The following ZBTB20 variants were observed in gnomAD, a reference collection of about 807,000 sequenced individuals.
The protein encoded by ZBTB20 is zinc finger and BTB domain-containing protein 20.
Under a neutral mutation model 56.9 loss-of-function variants are expected in ZBTB20, and 9 were observed. That is an observed-to-expected ratio of 0.16 (90% CI 0.10 to 0.28). The LOEUF (loss-of-function observed/expected upper bound fraction) is 0.28. Among genes scored for constraint, ZBTB20 ranks in the 10% least tolerant of loss-of-function variants. The pLI, the probability that ZBTB20 is intolerant of heterozygous loss-of-function variation, is 1.00. For synonymous variants in ZBTB20, 417 were observed against 420.7 expected (o/e 0.99, Z 0.11); for missense variants, 655 against 1,003.0 (o/e 0.65, Z 4.69).
chr3:115,092,647 C>A (rs995418185), intron 1 of ZBTB20, among the ~76,000 whole-genome samples: 1 of 152,028 alleles, frequency 6.6e-6, no homozygotes. Flanking sequence ...GGACACGGAT[C>A]GCCTCTCCAT....
intron 7 of ZBTB20, among the ~76,000 whole-genome samples, chr3:114,427,600 T>C (rs1413282740): frequency 6.6e-6 from 1 of 152,238 alleles, no homozygotes; most frequent in Non-Finnish European, 1.5e-5. Context: ...AACAACTCTG[T>C]TCCTCTTTTA....
chr3:114,836,214 C>T lies in ZBTB20; in HGVS notation c.-416-35040G>A, dbSNP rs537595861. 6.6e-5 allele frequency among the ~76,000 whole-genome samples: 10 copies of T among 152,284 alleles called. No individual in the cohort carries two copies. The South Asian group carries it at 1.9e-3, about 28-fold the overall frequency. ...TTAATAAATTATAATCAAAATACTA[C>T]ACTGACTTTTTCCTCAGTGGATTTT... On this transcript the variant is annotated intron_variant, in intron 4 of 11. Coordinates refer to ENST00000675478, the MANE Select transcript of ZBTB20 (RefSeq NM_001348800.3).
chr3:115,097,776 G>T (rs755388026), intron 1 of ZBTB20, among the ~76,000 whole-genome samples: 1 of 152,104 alleles, frequency 6.6e-6, no homozygotes, highest in Non-Finnish European at 1.5e-5. Flanking sequence ...ATTCTATAGC[G>T]CTCCTGTAAC....
intron 5 of ZBTB20, among the ~76,000 whole-genome samples, chr3:114,794,403 C>T (rs1260017268): frequency 6.6e-6 from 1 of 152,024 alleles, no homozygotes; most frequent in Non-Finnish European, 1.5e-5. Context: ...GCTGGTTTGG[C>T]TGTGGTAATT....
chr3:114,690,165 T>G (rs2062614402), intron 6 of ZBTB20, among the ~76,000 whole-genome samples: 1 of 152,176 alleles, frequency 6.6e-6, no homozygotes, highest in Non-Finnish European at 1.5e-5. Context: ...CTGAAAATAT[T>G]TTGTATATGT....
chr3:114,409,342 A>G (rs1370897931), intron 7 of ZBTB20, among the ~76,000 whole-genome samples: 1 of 152,044 alleles, frequency 6.6e-6, no homozygotes. Flanking sequence ...TGATTTACCT[A>G]GATTAAAAGA....
At chr3:115,068,784 G>A (rs1162327175) in intron 2 of ZBTB20, among the ~76,000 whole-genome samples, 1 of 151,544 alleles carries the variant, frequency 6.6e-6, no homozygotes, top group Non-Finnish European at 1.5e-5. Flanking sequence ...TTGGGAAAAT[G>A]TTTCAAATTC....
intron 7 of ZBTB20, among the ~76,000 whole-genome samples, chr3:114,463,406 A>C (rs2092413545): frequency 1.3e-5 from 2 of 152,188 alleles, no homozygotes; most frequent in African/African-American, 4.8e-5. Flanking sequence ...GGTGGTAACT[A>C]AGGATGTTAA....
chr3:114,753,190 G>A (rs1300592428), intron 5 of ZBTB20, among the ~76,000 whole-genome samples: 1 of 149,654 alleles, frequency 6.7e-6, no homozygotes, highest in East Asian at 1.9e-4. Flanking sequence ...GAACACAGGA[G>A]GCAATTTCTA....
intron 5 of ZBTB20, among the ~76,000 whole-genome samples, chr3:114,741,275 C>T (rs765768255): frequency 6.6e-6 from 1 of 152,144 alleles, no homozygotes; most frequent in Non-Finnish European, 1.5e-5. Context: ...CCTAGTACTA[C>T]AAAAATTCCC....
At chr3:114,572,531 A>C (rs2053551515) in intron 6 of ZBTB20, among the ~76,000 whole-genome samples, 1 of 152,234 alleles carries the variant, frequency 6.6e-6, no homozygotes, top group Non-Finnish European at 1.5e-5. Flanking sequence ...GCTTGTGTAC[A>C]AATGGTTCTG....
chr3:114,443,382 G>A (rs868329513), intron 7 of ZBTB20, among the ~76,000 whole-genome samples: 11 of 152,160 alleles, frequency 7.2e-5, no homozygotes, highest in Admixed American at 2.6e-4. Flanking sequence ...GCAAAGAGCA[G>A]TCTTAAGCTG....
intron 6 of ZBTB20, among the ~76,000 whole-genome samples, chr3:114,689,204 C>T (rs947952039): frequency 3.3e-5 from 5 of 152,104 alleles, no homozygotes; most frequent in African/African-American, 1.2e-4. Flanking sequence ...TGTCATAAAT[C>T]CCATCCTATA....
intron 5 of ZBTB20, among the ~76,000 whole-genome samples, chr3:114,698,776 T>C (rs1467814089): frequency 2.0e-5 from 3 of 152,146 alleles, no homozygotes. Flanking sequence ...CCATCTGAGC[T>C]TAGAAAATAT....
At chr3:114,701,892 C>A (rs1458996017) in intron 5 of ZBTB20, among the ~76,000 whole-genome samples, 1 of 152,146 alleles carries the variant, frequency 6.6e-6, no homozygotes, top group Non-Finnish European at 1.5e-5. Flanking sequence ...ATGCAAATAT[C>A]CAAATGCATA....
At chr3:114,960,634 C>T (rs766386264) in intron 3 of ZBTB20, among the ~76,000 whole-genome samples, 1 of 152,152 alleles carries the variant, frequency 6.6e-6, no homozygotes, top group East Asian at 1.9e-4. Flanking sequence ...ATAAATGTGG[C>T]CTTTAAAATA....
At chr3:114,371,455 G>A (rs1461987016) in intron 10 of ZBTB20, among the ~76,000 whole-genome samples, 2 of 151,728 alleles carry the variant, frequency 1.3e-5, no homozygotes, top group Non-Finnish European at 2.9e-5. Context: ...CTCTGTGTAT[G>A]GGGACATATC....
chr3:114,448,577 A>C (rs976993875), intron 7 of ZBTB20, among the ~76,000 whole-genome samples: 7 of 152,146 alleles, frequency 4.6e-5, no homozygotes, highest in Admixed American at 3.9e-4. Flanking sequence ...TATAGATATC[A>C]CATATAGGAA....
intron 2 of ZBTB20, among the ~76,000 whole-genome samples, chr3:115,033,516 G>A (rs2080789392): frequency 6.6e-6 from 1 of 151,486 alleles, no homozygotes; most frequent in Admixed American, 6.6e-5. Context: ...TCCCACTGCT[G>A]GGTATGTATA....
Sources: gnomAD v4.1 joint callset for allele counts (sites outside exome capture counted in the v4.1 genomes callset) on GRCh38, gnomAD v4.1.1 for gene constraint, MANE v1.5 for transcripts, NCBI Gene and HGNC (gene_info 2026-07-23, HGNC 2026-07-21) for gene names.